CCDC158: variants seen among roughly 807,000 people sequenced by gnomAD.
The protein encoded by CCDC158 is coiled-coil domain-containing protein 158.
Under a neutral mutation model 138.6 loss-of-function variants are expected in CCDC158, and 116 were observed. The ratio of observed to expected loss-of-function variants is 0.84; its 90% CI spans 0.72 to 0.98. The LOEUF (loss-of-function observed/expected upper bound fraction) is 0.98. Among genes scored for constraint, CCDC158 ranks in the 50% least tolerant of loss-of-function variants. The pLI is 0.00. For synonymous variants in CCDC158, 436 were observed against 442.4 expected (o/e 0.99, Z 0.18); for missense variants, 1,265 against 1,306.1 (o/e 0.97, Z 0.48).
intron 12 of CCDC158, among the ~76,000 whole-genome samples, chr4:76,364,504 C>T (rs1191203169): frequency 1.3e-5 from 2 of 152,046 alleles, no homozygotes; most frequent in Non-Finnish European, 2.9e-5. Context: ...TATAAAATAT[C>T]TTGGTGATCT....
intron 9 of CCDC158, 86 bp downstream of exon 9, chr4:76,379,204 C>A: frequency 3.1e-6 from 2 of 650,248 alleles, no homozygotes; most frequent in Non-Finnish European, 4.8e-6. Flanking sequence ...ACTTTGATTC[C>A]TTATTTTCAA....
At chr4:76,332,349 T>C (rs1721079182) in intron 20 of CCDC158, 83 bp downstream of exon 20, 2 of 1,174,044 alleles carry the variant, frequency 1.7e-6, no homozygotes, top group Non-Finnish European at 2.5e-6. Context: ...TAAACTTATG[T>C]CCAAACAGAC....
intron 9 of CCDC158, chr4:76,375,049 A>T (rs1282225085): frequency 6.6e-6 from 1 of 152,378 alleles, no homozygotes; most frequent in East Asian, 1.9e-4. Context: ...AATCAATCAA[A>T]AAGATAAATA....
chr4:76,317,436 T>A (rs1206183148), intron 24 of CCDC158, among the ~76,000 whole-genome samples: 1 of 152,140 alleles, frequency 6.6e-6, no homozygotes, highest in African/African-American at 2.4e-5. Flanking sequence ...AATATCACAA[T>A]CCTAAATATA....
chr4:76,318,845 TGATGCCG>T (rs1719657549), intron 24 of CCDC158, among the ~76,000 whole-genome samples: 1 of 152,178 alleles, frequency 6.6e-6, no homozygotes, highest in East Asian at 1.9e-4. Flanking sequence ...ATATCCATGA[TGATGCCG>T]GGTGCAGTGG....
In CCDC158 at chr4:76,337,153, G is replaced by GT. The variant is rs1560799593; in HGVS notation, c.2665-2987_2665-2986insA. 1.3e-4 allele frequency among the ~76,000 whole-genome samples: 19 copies of GT among 151,902 alleles called. No homozygotes were observed. The East Asian group carries it at 3.1e-3, about 25-fold the overall frequency. ...ATGCCACCACACCCGGCTATTTTTG[G>GT]GTTTTTTTGTATTTTTTGGAGAGAT... On this transcript the variant is annotated intron_variant, in intron 18 of 24. Coordinates refer to ENST00000682701, the MANE Select transcript of CCDC158 (RefSeq NM_001394954.1).
intron 24 of CCDC158, among the ~76,000 whole-genome samples, chr4:76,322,323 A>C (rs1197334731): frequency 1.3e-5 from 2 of 152,192 alleles, no homozygotes; most frequent in Non-Finnish European, 2.9e-5. Context: ...GAAATTGCAG[A>C]GGCCAAGTCC....
intron 23 of CCDC158, among the ~76,000 whole-genome samples, chr4:76,324,996 C>T (rs1196254592): frequency 1.3e-5 from 2 of 152,164 alleles, no homozygotes; most frequent in Non-Finnish European, 2.9e-5. Context: ...TCTTCAGCCT[C>T]TCAGCTTCCT....
chr4:76,345,001 T>G, intron 18 of CCDC158: 1 of 1,422,180 alleles, frequency 7.0e-7, no homozygotes, highest in East Asian at 2.3e-5. Flanking sequence ...ATGACTTCTT[T>G]GAGCAAGAGA....
intron 18 of CCDC158, among the ~76,000 whole-genome samples, chr4:76,334,668 T>G (rs1721307364): frequency 6.6e-6 from 1 of 152,144 alleles, no homozygotes; most frequent in Admixed American, 6.6e-5. Flanking sequence ...TTAAGAATAA[T>G]ATGAGATTTT....
intron 18 of CCDC158, among the ~76,000 whole-genome samples, chr4:76,347,182 T>C (rs1405571949): frequency 1.3e-5 from 2 of 152,230 alleles, no homozygotes; most frequent in East Asian, 3.8e-4. Flanking sequence ...ACTGGGTATA[T>C]ACCCAAAGGA....
intron 17 of CCDC158, among the ~76,000 whole-genome samples, chr4:76,351,447 T>G (rs1723029610): frequency 6.6e-6 from 1 of 152,210 alleles, no homozygotes; most frequent in Non-Finnish European, 1.5e-5. Context: ...CAGGTACTCG[T>G]AAACTTCACT....
chr4:76,331,600 T>C (rs976567215), intron 20 of CCDC158, among the ~76,000 whole-genome samples, 197 bp from the exon 21 acceptor site: 8 of 152,216 alleles, frequency 5.3e-5, no homozygotes, highest in African/African-American at 1.9e-4. Flanking sequence ...TAGATATGGA[T>C]TCAAAAGAGT....
At chr4:76,352,899 C>A in intron 16 of CCDC158, 1 of 405,224 alleles carries the variant, frequency 2.5e-6, no homozygotes, top group Non-Finnish European at 4.3e-6. Flanking sequence ...ACTATGTTAG[C>A]CTGAAAAAGA....
chr4:76,413,613 T>C (rs17001930), intron 1 of CCDC158, among the ~76,000 whole-genome samples: 4,462 of 152,184 alleles, frequency 0.029, 220 homozygotes, highest in African/African-American at 0.1. Flanking sequence ...ACCCTGAATA[T>C]ATATGTGGAG....
chr4:76,369,491 C>T lies in CCDC158; in HGVS notation c.1282G>A (p.Val428Met). 1 of 1,614,172 alleles carries T rather than the reference C, an allele frequency of 6.2e-7. No individual in the cohort carries two copies. The change falls in exon 11 of 25, where the codon GTG (valine) becomes ATG (methionine). Residue 428 changes from valine (V) to methionine (M), a missense_variant. By Grantham distance (21) the Val-to-Met change is conservative. Transcript: ENST00000682701. ...TTGAGCAGGGCTTCCAGGCGCTGCACCTCCATGTTCCGGTTGTCCAGTTCC... is the reference window on the plus strand; with the variant it reads ...TTGAGCAGGGCTTCCAGGCGCTGCATCTCCATGTTCCGGTTGTCCAGTTCC... ...RRELDNRNMEVQRLEALLKAL... is the reference protein window; with the variant it reads ...RRELDNRNMEMQRLEALLKAL...
At chr4:76,342,408 T>C (rs1170396361) in intron 18 of CCDC158, among the ~76,000 whole-genome samples, 2 of 152,186 alleles carry the variant, frequency 1.3e-5, no homozygotes, top group Non-Finnish European at 2.9e-5. Flanking sequence ...ATTTCCCCTG[T>C]CTGTAAAACA....
intron 18 of CCDC158, among the ~76,000 whole-genome samples, chr4:76,337,525 G>T (rs1158868805): frequency 2.6e-5 from 4 of 152,112 alleles, no homozygotes; most frequent in Non-Finnish European, 5.9e-5. Flanking sequence ...TAGGTCAGGA[G>T]CTCGAGACCA....
chr4:76,371,389 T>G (rs1725222213), intron 10 of CCDC158, 28 bp downstream of exon 10: 1 of 1,608,936 alleles, frequency 6.2e-7, no homozygotes, highest in East Asian at 2.2e-5. Flanking sequence ...AGAATTAGTC[T>G]TATTCATATT....
Sources: gnomAD v4.1 joint callset for allele counts (sites outside exome capture counted in the v4.1 genomes callset) on GRCh38, gnomAD v4.1.1 for gene constraint, MANE v1.5 for transcripts, NCBI Gene and HGNC (gene_info 2026-07-23, HGNC 2026-07-21) for gene names.